The following PLXNA4 variants were observed in gnomAD, a reference collection of about 807,000 sequenced individuals.
The protein encoded by PLXNA4 is plexin-A4.
PLXNA4 carries 44 observed loss-of-function variants against 191.8 expected under a neutral mutation model. The observed-to-expected ratio is 0.23, with a 90% CI of 0.18 to 0.29. The LOEUF (loss-of-function observed/expected upper bound fraction) is 0.29, where lower values mean the gene tolerates loss of function less well. PLXNA4 is among the 10% of genes least tolerant of loss of function. PLXNA4 has a pLI of 1.00. For missense variants in PLXNA4, 1,800 were observed against 2,488.8 expected (o/e 0.72, Z 5.89); for synonymous variants, 1,082 against 1,009.5 (o/e 1.07, Z -1.36).
intron 20 of PLXNA4, 99 bp from the exon 21 acceptor site, chr7:132,175,019 A>G (rs1405359079): frequency 1.2e-5 from 19 of 1,533,154 alleles, no homozygotes; most frequent in Non-Finnish European, 1.6e-5. Flanking sequence ...CCCCTAGGAG[A>G]CATGAGCAAT....
chr7:132,272,196 C>T (rs73157246), intron 4 of PLXNA4, among the ~76,000 whole-genome samples: 9,097 of 152,272 alleles, frequency 0.06, 276 homozygotes, highest in Middle Eastern at 0.082. Flanking sequence ...GTCTTCCCTG[C>T]ATTCTGTTAT....
At chr7:132,482,215 AATAC>A (rs1190577838) in intron 3 of PLXNA4, among the ~76,000 whole-genome samples, 2 of 152,194 alleles carry the variant, frequency 1.3e-5, no homozygotes, top group Non-Finnish European at 2.9e-5. Flanking sequence ...TCTAAGACAT[AATAC>A]AGCAAAGGGG....
chr7:132,565,048 G>T (rs916738652), intron 1 of PLXNA4, among the ~76,000 whole-genome samples: 1 of 152,174 alleles, frequency 6.6e-6, no homozygotes, highest in South Asian at 2.1e-4. Context: ...GCAAACACAC[G>T]GGAGCCGGCA....
At chr7:132,595,094 C>T (rs148900533) in intron 2 of PLXNA4, among the ~76,000 whole-genome samples, 355 of 152,164 alleles carry the variant, frequency 2.3e-3, no homozygotes, top group African/African-American at 8.3e-3. Context: ...CCTAGAGACT[C>T]GGTCCCACTC....
chr7:132,316,445 C>T (rs1442935267), intron 3 of PLXNA4, among the ~76,000 whole-genome samples: 1 of 152,222 alleles, frequency 6.6e-6, no homozygotes, highest in African/African-American at 2.4e-5. Context: ...CGGATCAAGT[C>T]ACTATGGGAT....
chr7:132,562,397 T>G (rs1313588459), intron 1 of PLXNA4, among the ~76,000 whole-genome samples: 3 of 129,216 alleles, frequency 2.3e-5, no homozygotes, highest in Non-Finnish European at 3.2e-5. Context: ...CTCCTTCTGC[T>G]GCTCCTCCTC....
intron 3 of PLXNA4, among the ~76,000 whole-genome samples, chr7:132,403,793 CG>C (rs1794096869): frequency 6.6e-6 from 1 of 152,070 alleles, no homozygotes; most frequent in Non-Finnish European, 1.5e-5. Context: ...GGGCTTACTT[CG>C]GGGACAGGAC....
intron 2 of PLXNA4, among the ~76,000 whole-genome samples, chr7:132,633,991 A>T (rs980672833): frequency 4.6e-5 from 7 of 151,890 alleles, no homozygotes; most frequent in Non-Finnish European, 8.8e-5. Context: ...CACACAGTGT[A>T]TGGCAGATGC....
At chr7:132,140,501 G>C in intron 30 of PLXNA4, 98 bp downstream of exon 30, 1 of 1,502,724 alleles carries the variant, frequency 6.7e-7, no homozygotes, top group Non-Finnish European at 8.9e-7. Context: ...GACTCATCTG[G>C]AAACACAGCT....
At chr7:132,349,077 T>C (rs1358571838) in intron 3 of PLXNA4, among the ~76,000 whole-genome samples, 1 of 152,160 alleles carries the variant, frequency 6.6e-6, no homozygotes, top group Non-Finnish European at 1.5e-5. Flanking sequence ...CGCCGAAAGA[T>C]GGGTCAAGGA....
intron 1 of PLXNA4, among the ~76,000 whole-genome samples, chr7:132,553,244 G>A (rs963165718): frequency 6.6e-6 from 1 of 152,216 alleles, no homozygotes; most frequent in Non-Finnish European, 1.5e-5. Context: ...TTCCTGGAAT[G>A]ACAGGGAGGA....
chr7:132,183,216 G>A (rs1027858442), intron 16 of PLXNA4, among the ~76,000 whole-genome samples: 7 of 152,040 alleles, frequency 4.6e-5, no homozygotes, highest in African/African-American at 9.7e-5. Flanking sequence ...GCGCACACAC[G>A]CATGTGCGTG....
At chr7:132,514,815 C>T (rs1798875208) in intron 1 of PLXNA4, among the ~76,000 whole-genome samples, 1 of 152,132 alleles carries the variant, frequency 6.6e-6, no homozygotes, top group Non-Finnish European at 1.5e-5. Context: ...CACACACACA[C>T]ACACACACAC....
intron 1 of PLXNA4, among the ~76,000 whole-genome samples, chr7:132,561,831 TCCGCCTCCTTC>T (rs1801128190): frequency 7.1e-6 from 1 of 141,632 alleles, no homozygotes; most frequent in African/African-American, 2.7e-5. Flanking sequence ...CTTCTTCTCC[TCCGCCTCCTTC>T]TCCTCCTCCT....
At position 132,252,299 on chromosome 7, in the gene PLXNA4, GTTTTTTTTT is replaced by G. The variant is rs71178032; in HGVS notation, c.1504-11142_1504-11134del. On this transcript the variant is annotated intron_variant, in intron 4 of 31. Coordinates refer to ENST00000321063, the MANE Select transcript of PLXNA4 (RefSeq NM_020911.2). Reference sequence around the variant, plus strand: ...TTGTTAAAATGACAGCATTCTAAAAGTTTTTTTTTTTTTTTTTTTTTTTTTTTTTTGAGA... The same window carrying G: ...TTGTTAAAATGACAGCATTCTAAAAGTTTTTTTTTTTTTTTTTTTTTGAGA... 2.5e-4 allele frequency among the ~76,000 whole-genome samples: 19 copies of G among 75,342 alleles called. 1 individual carries two copies. The South Asian group carries it at 3.0e-3, about 12-fold the overall frequency. 49.4% of individuals were successfully genotyped at this position (75,342 alleles called of 152,430 possible). A position where few individuals can be genotyped will look rare whatever the true frequency, so the allele number is the denominator to read the frequency against.
chr7:132,360,440 T>C (rs1803888306), intron 3 of PLXNA4, among the ~76,000 whole-genome samples: 1 of 152,200 alleles, frequency 6.6e-6, no homozygotes. Context: ...CAGGAGATTA[T>C]AAGGATCAGA....
At position 132,563,232 on chromosome 7, in the gene PLXNA4, TCTC is replaced by T. The variant is rs374844616; in HGVS notation, c.-87+13187_-87+13189del. ...TCCTCCTCCTCCTTCTCCTCCTCTT[TCTC>T]CTCCTCCTCCTTCTCCTACTCCTTC... is the stretch of plus-strand genomic sequence containing the variant. On this transcript the variant is annotated intron_variant, in intron 1 of 31. Transcript: ENST00000321063. Among the ~76,000 whole-genome samples, 235 of 49,564 alleles carry T rather than the reference TCTC, an allele frequency of 4.7e-3. 2 individuals carry two copies. Among genetic ancestry groups the T allele is most frequent in the African/African-American group, 0.018 (228 of 12,684 alleles). 32.5% of individuals were successfully genotyped at this position (49,564 alleles called of 152,430 possible). A position where few individuals can be genotyped will look rare whatever the true frequency, so the allele number is the denominator to read the frequency against.
chr7:132,510,389 G>A (rs1798664112), intron 1 of PLXNA4, among the ~76,000 whole-genome samples: 1 of 152,222 alleles, frequency 6.6e-6, no homozygotes, highest in Admixed American at 6.5e-5. Context: ...AATATCAGAG[G>A]AGGAAGACTG....
intron 9 of PLXNA4, among the ~76,000 whole-genome samples, chr7:132,213,383 AT>A (rs2116912397): frequency 6.6e-6 from 1 of 152,310 alleles, no homozygotes; most frequent in Non-Finnish European, 1.5e-5. Context: ...TGATATGTGT[AT>A]TTTGCCACAA....
Sources: allele counts gnomAD v4.1 joint callset (sites outside exome capture counted in the v4.1 genomes callset), GRCh38; gene constraint gnomAD v4.1.1; transcripts MANE v1.5; gene names NCBI Gene and HGNC (gene_info 2026-07-23, HGNC 2026-07-21).